Variants in GPR132 observed in about 807,000 individuals in gnomAD.
GPR132 encodes probable G protein-coupled receptor 132.
A neutral mutation model predicts 1.9 loss-of-function variants in GPR132; 4 were observed. The ratio of observed to expected loss-of-function variants is 2.13; its 90% CI spans 1.05 to 4.87. The LOEUF (loss-of-function observed/expected upper bound fraction) is 4.87, where lower values mean the gene tolerates loss of function less well. Ranked by LOEUF, GPR132 falls within the 30% of genes most tolerant of loss-of-function variation. The pLI, the probability that GPR132 is intolerant of heterozygous loss-of-function variation, is 0.01. For synonymous variants in GPR132, 233 were observed against 234.2 expected (o/e 0.99, Z 0.05); for missense variants, 404 against 512.5 (o/e 0.79, Z 2.04).
At chr14:105,061,185 A>C (rs1886932776) in intron 1 of GPR132, among the ~76,000 whole-genome samples, 1 of 152,248 alleles carries the variant, frequency 6.6e-6, no homozygotes, top group Non-Finnish European at 1.5e-5. Flanking sequence ...ACTCCCTCGC[A>C]CCGAGGTCCA....
intron 3 of GPR132, among the ~76,000 whole-genome samples, chr14:105,054,630 C>T (rs905680877): frequency 3.3e-5 from 5 of 151,304 alleles, no homozygotes; most frequent in African/African-American, 4.8e-5. Context: ...AAGGTTTCAC[C>T]AGGTTGGCCA....
chr14:105,051,186 T>C lies in GPR132; in HGVS notation c.951A>G (p.Gln317=). ...ACCCCTTATGGATTCTGGACACTTC[T>C]TGGCGGGAATGGTCCGTGGCCAGCA... ...IYVLATDHSR[Q]EVSRIHKGWK... is the part of the protein sequence containing the mutation. The change falls in exon 4 of 4, where the codon CAA becomes CAG. Residue 317 remains glutamine (Q), a synonymous_variant. Coordinates refer to ENST00000329797, the MANE Select transcript of GPR132 (RefSeq NM_013345.4). This position sits in a 1 kb window ranked among gnomAD's most constrained non-coding sequence, Gnocchi z 8.0. The C allele has an allele frequency of 1.2e-6, 2 of 1,614,178 alleles. No individual in the cohort carries two copies. The highest frequency in any genetic ancestry group is 1.7e-6 in the Non-Finnish European group (2 of 1,180,000).
intron 1 of GPR132, among the ~76,000 whole-genome samples, chr14:105,063,675 C>A (rs1887009534): frequency 6.6e-6 from 1 of 152,044 alleles, no homozygotes; most frequent in African/African-American, 2.4e-5. Flanking sequence ...CCACGCCCAG[C>A]CTGTTTTGTA....
chr14:105,061,211 T>C (rs1886933685), intron 1 of GPR132, among the ~76,000 whole-genome samples: 1 of 152,248 alleles, frequency 6.6e-6, no homozygotes, highest in Non-Finnish European at 1.5e-5. Flanking sequence ...TCACCACGCA[T>C]GGCCAACCAG....
rs1566731548 is a variant in GPR132 at position 105,050,780 on chromosome 14, C to A, written c.*214G>T. On this transcript the variant is annotated 3_prime_UTR_variant, in exon 4 of 4. Coordinates refer to ENST00000329797, the MANE Select transcript of GPR132 (RefSeq NM_013345.4). This position sits in a 1 kb window ranked among gnomAD's most constrained non-coding sequence, Gnocchi z 4.0. ...ACATGCTCTCTGGGCTCCCGGAAGC[C>A]TGGAGGTGTCGCTCCTCCCCTTGGC... 5.2e-6 allele frequency: 3 copies of A among 581,020 alleles called. No individual in the cohort carries two copies. In the Admixed American group the frequency reaches 9.2e-5, roughly 18 times the overall value. The allele number at this position is 581,020 out of a possible 1,614,324, so 36.0% of individuals were successfully genotyped here.
At chr14:105,064,914 C>T (rs1183675422) in intron 1 of GPR132, among the ~76,000 whole-genome samples, 1 of 152,146 alleles carries the variant, frequency 6.6e-6, no homozygotes, top group African/African-American at 2.4e-5. Context: ...GCACAGCCCC[C>T]ACTGCCCTGC....
At position 105,051,118 on chromosome 14, in the gene GPR132, T is replaced by C. The variant is rs2140925904; in HGVS notation, c.1019A>G (p.His340Arg). Residue 340 changes from histidine to arginine, a missense_variant, in exon 4 of 4, where the codon CAC (histidine) becomes CGC (arginine). By Grantham distance (29) the His-to-Arg change is conservative (BLOSUM62 0). Transcript: ENST00000329797. The surrounding 1 kb of genome is among the most constrained non-coding windows in gnomAD (Gnocchi z 8.0). ...CTGCAGCTCCTCGGTGTCCCTGCTGTGGGTGAGCCTGGTGACGTCTGTCTT... is the reference window on the plus strand; with the variant it reads ...CTGCAGCTCCTCGGTGTCCCTGCTGCGGGTGAGCCTGGTGACGTCTGTCTT... ...SMKTDVTRLT[H>R]SRDTEELQSP... is the part of the protein sequence containing the mutation. 6.2e-7 allele frequency: 1 copy of C among 1,614,214 alleles called. No individual in the cohort carries two copies. Among genetic ancestry groups the C allele is most frequent in the African/African-American group, 1.3e-5 (1 of 75,052 alleles).
At chr14:105,054,040 C>T (rs990364930) in intron 3 of GPR132, 4 of 1,287,934 alleles carry the variant, frequency 3.1e-6, no homozygotes, top group Non-Finnish European at 4.0e-6. Flanking sequence ...CTGCCAGCGC[C>T]ACCAGCTCCA....
chr14:105,062,191 C>T (rs561483281), intron 1 of GPR132, among the ~76,000 whole-genome samples: 1 of 152,236 alleles, frequency 6.6e-6, no homozygotes, highest in Non-Finnish European at 1.5e-5. Context: ...TCCACCCATC[C>T]CTGAGCTCCA....
At chr14:105,054,312 G>T in intron 3 of GPR132, 3 of 1,065,494 alleles carry the variant, frequency 2.8e-6, no homozygotes, top group Non-Finnish European at 3.4e-6. Flanking sequence ...TGCAAATGTC[G>T]TAGTTTCCTT....
intron 3 of GPR132, among the ~76,000 whole-genome samples, 183 bp from the exon 4 acceptor site, chr14:105,052,285 G>A (rs547412223): frequency 1.4e-4 from 21 of 152,326 alleles, no homozygotes; most frequent in Admixed American, 3.9e-4. Context: ...ACCTAGCAGC[G>A]TCATGGACAA....
chr14:105,056,557 A>G lies in GPR132; in HGVS notation c.-746-391T>C, dbSNP rs1886800074. On this transcript the variant is annotated intron_variant, in intron 2 of 3. Coordinates refer to ENST00000329797, the MANE Select transcript of GPR132 (RefSeq NM_013345.4). The surrounding 1 kb of genome is among the most constrained non-coding windows in gnomAD (Gnocchi z 6.0). ...GCCGCTCTGGTCTGTTCCCTCCCCG[A>G]CTTCCTACGGCTCCCCCACCCCACA... is the stretch of plus-strand genomic sequence containing the variant. Among the ~76,000 whole-genome samples the G allele has an allele frequency of 1.3e-5, 2 of 152,032 alleles. No homozygotes were observed. The highest frequency in any genetic ancestry group is 1.3e-4 in the Admixed American group (2 of 15,258).
Position 105,060,703 on chromosome 14 carries a change from C to G in GPR132, c.-860-3423G>C, listed in dbSNP as rs1035242965. 3.9e-5 allele frequency among the ~76,000 whole-genome samples: 6 copies of G among 152,322 alleles called. No homozygotes were observed. The highest frequency in any genetic ancestry group is 3.9e-4 in the Admixed American group (6 of 15,298). On this transcript the variant is annotated intron_variant, in intron 1 of 3. Transcript: ENST00000329797. This position sits in a 1 kb window ranked among gnomAD's most constrained non-coding sequence, Gnocchi z 6.3. ...GCTCCCGGGGAGTCTGCCTCCTTCA[C>G]TTTAACTGGACCAAGGGTTCTGGAA...
At position 105,055,023 on chromosome 14, in the gene GPR132, C is replaced by CA. The variant is rs35863392; in HGVS notation, c.34+363dup. 4.5e-3 allele frequency among the ~76,000 whole-genome samples: 411 copies of CA among 91,254 alleles called. No individual in the cohort carries two copies. Among genetic ancestry groups the CA allele is most frequent in the Middle Eastern group, 0.032 (5 of 154 alleles). The allele number at this position is 91,254 out of a possible 152,430, so 59.9% of individuals were successfully genotyped here. On this transcript the variant is annotated intron_variant, in intron 3 of 3. Transcript: ENST00000329797. The surrounding 1 kb of genome is among the most constrained non-coding windows in gnomAD (Gnocchi z 4.7). The stretch of plus-strand genomic sequence containing the variant: ...AGGGCAACAGAGCAAGACTCCATCT[C>CA]AAAAAAAAAAAAAAAAAAAAAATTC...
Position 105,060,777 on chromosome 14 carries a change from C to T in GPR132, c.-860-3497G>A, listed in dbSNP as rs1304294366. The stretch of plus-strand genomic sequence containing the variant: ...AACTCTTGCTGGTCCAGGGCTGTGC[C>T]GCCCAGTCACGCCAATGCCAGCCGG... On this transcript the variant is annotated intron_variant, in intron 1 of 3. Coordinates refer to ENST00000329797, the MANE Select transcript of GPR132 (RefSeq NM_013345.4). The surrounding 1 kb of genome is among the most constrained non-coding windows in gnomAD (Gnocchi z 6.3). Among the ~76,000 whole-genome samples, 3 of 152,230 alleles carry T rather than the reference C, an allele frequency of 2.0e-5. No individual in the cohort carries two copies. The highest frequency in any genetic ancestry group is 2.1e-4 in the South Asian group (1 of 4,834).
intron 1 of GPR132, among the ~76,000 whole-genome samples, chr14:105,062,491 CTTTTGCCTT>C (rs1194331497): frequency 6.6e-6 from 1 of 151,170 alleles, no homozygotes; most frequent in African/African-American, 2.4e-5. Context: ...TTCTTTTTTT[CTTTTGCCTT>C]TTTTGCCTTT....
At chr14:105,057,891 G>T (rs1453364308) in intron 1 of GPR132, 1 of 152,146 alleles carries the variant, frequency 6.6e-6, no homozygotes, top group Non-Finnish European at 1.5e-5. Flanking sequence ...GTCTCACCAT[G>T]TTGGGCAGGC....
At position 105,050,656 on chromosome 14, in the gene GPR132, G is replaced by A. The variant is rs1242282567; in HGVS notation, c.*338C>T. ...AAAGTCATCGCCACTGATGCGAACA[G>A]GGCAGCCACCAGGTACCTCTGCCAG... is the stretch of plus-strand genomic sequence containing the variant. On this transcript the variant is annotated 3_prime_UTR_variant, in exon 4 of 4. Coordinates refer to ENST00000329797, the MANE Select transcript of GPR132 (RefSeq NM_013345.4). This position sits in a 1 kb window ranked among gnomAD's most constrained non-coding sequence, Gnocchi z 4.0. 2.5e-6 allele frequency: 1 copy of A among 406,302 alleles called. No individual in the cohort carries two copies. The highest frequency in any genetic ancestry group is 2.0e-5 in the African/African-American group (1 of 50,056). 25.2% of individuals were successfully genotyped at this position (406,302 alleles called of 1,614,324 possible). A position where few individuals can be genotyped will look rare whatever the true frequency, so the allele number is the denominator to read the frequency against.
Position 105,057,170 on chromosome 14 carries a change from G to T in GPR132, c.-750C>A. The T allele has an allele frequency of 6.5e-7, 1 of 1,532,402 alleles. No individual in the cohort carries two copies. Among genetic ancestry groups the T allele is most frequent in the Non-Finnish European group, 8.7e-7 (1 of 1,143,610 alleles). The allele number at this position is 1,532,402 out of a possible 1,614,324, so 94.9% of individuals were successfully genotyped here. ...AAGTCGGAGAAGGCTCTCTCACCTG[G>T]CATATTTTGCGGGTTCCAATCTCAG... On this transcript the variant is annotated 5_prime_UTR_variant, in exon 2 of 4. Coordinates refer to ENST00000329797, the MANE Select transcript of GPR132 (RefSeq NM_013345.4).
Sources: gnomAD v4.1 joint callset for allele counts (sites outside exome capture counted in the v4.1 genomes callset) on GRCh38, gnomAD v4.1.1 for gene constraint, Gnocchi (gnomAD v3.1) non-coding constraint, MANE v1.5 for transcripts, NCBI Gene and HGNC (gene_info 2026-07-23, HGNC 2026-07-21) for gene names.